Variants in ST6GALNAC3 observed in about 807,000 individuals in gnomAD.
ST6GALNAC3 encodes the protein alpha-N-acetylgalactosaminide alpha-2,6-sialyltransferase 3.
ST6GALNAC3 carries 25 observed loss-of-function variants against 32.7 expected under a neutral mutation model. That is an observed-to-expected ratio of 0.76 (90% CI 0.56 to 1.07). ST6GALNAC3 has a LOEUF of 1.07. ST6GALNAC3 is among the 50% of genes least tolerant of loss of function. ST6GALNAC3 has a pLI of 0.00. For missense variants in ST6GALNAC3, 355 were observed against 382.4 expected (o/e 0.93, Z 0.60); for synonymous variants, 129 against 133.1 (o/e 0.97, Z 0.21).
intron 3 of ST6GALNAC3, among the ~76,000 whole-genome samples, chr1:76,568,841 A>G (rs981208948): frequency 5.9e-5 from 9 of 152,196 alleles, no homozygotes; most frequent in African/African-American, 2.2e-4. Context: ...TGTCAGCACT[A>G]GACATTTCCT....
At chr1:76,084,324 C>T (rs980799591) in intron 1 of ST6GALNAC3, among the ~76,000 whole-genome samples, 2 of 152,198 alleles carry the variant, frequency 1.3e-5, no homozygotes, top group Non-Finnish European at 2.9e-5. Flanking sequence ...TCTGAAAATG[C>T]AGTCCTCAGT....
chr1:76,600,751 A>G (rs971726001), intron 3 of ST6GALNAC3, among the ~76,000 whole-genome samples: 3 of 152,248 alleles, frequency 2.0e-5, no homozygotes, highest in African/African-American at 4.8e-5. Context: ...CAACTTATGA[A>G]TATGGATTGG....
At chr1:76,096,928 T>A (rs1314810265) in intron 1 of ST6GALNAC3, among the ~76,000 whole-genome samples, 1 of 151,820 alleles carries the variant, frequency 6.6e-6, no homozygotes, top group African/African-American at 2.4e-5. Context: ...CTTTTTTTTT[T>A]TTTTTTTTGA....
chr1:76,537,639 A>T (rs1227641489), intron 3 of ST6GALNAC3, among the ~76,000 whole-genome samples: 2 of 152,166 alleles, frequency 1.3e-5, no homozygotes, highest in Non-Finnish European at 2.9e-5. Context: ...ATCATTTTAC[A>T]TTTCCATATA....
At chr1:76,178,523 T>C (rs1298077137) in intron 1 of ST6GALNAC3, among the ~76,000 whole-genome samples, 1 of 152,186 alleles carries the variant, frequency 6.6e-6, no homozygotes, top group East Asian at 1.9e-4. Context: ...CTTTCTTCCC[T>C]GTAGATTGTT....
chr1:76,280,820 A>G (rs1398799567), intron 1 of ST6GALNAC3, among the ~76,000 whole-genome samples: 1 of 152,224 alleles, frequency 6.6e-6, no homozygotes, highest in Non-Finnish European at 1.5e-5. Context: ...AGGTCAATAA[A>G]TAATATTCAT....
intron 3 of ST6GALNAC3, among the ~76,000 whole-genome samples, chr1:76,566,169 A>C (rs1169096070): frequency 6.6e-6 from 1 of 152,206 alleles, no homozygotes; most frequent in African/African-American, 2.4e-5. Context: ...TATTTCTCAG[A>C]TTCTACCCTA....
At chr1:76,637,197 A>G (rs570141161), downstream of ST6GALNAC3, 2 of 152,304 alleles carry the variant, frequency 1.3e-5, no homozygotes, top group South Asian at 2.1e-4. Context: ...AATTGCTTAA[A>G]TATCTATATA....
chr1:76,228,413 C>G (rs774487539), intron 1 of ST6GALNAC3, among the ~76,000 whole-genome samples: 4 of 152,162 alleles, frequency 2.6e-5, no homozygotes, highest in Non-Finnish European at 5.9e-5. Context: ...TAAATACTTG[C>G]ATTAGGTTAA....
chr1:76,421,590 T>C (rs371235489), intron 3 of ST6GALNAC3, among the ~76,000 whole-genome samples: 8 of 152,054 alleles, frequency 5.3e-5, no homozygotes, highest in African/African-American at 1.7e-4. Context: ...AAAGGAGAAC[T>C]GAAAACTCTC....
At chr1:76,448,328 C>A (rs1219319264) in intron 3 of ST6GALNAC3, among the ~76,000 whole-genome samples, 2 of 152,178 alleles carry the variant, frequency 1.3e-5, no homozygotes, top group East Asian at 3.9e-4. Flanking sequence ...AAGTAACTAA[C>A]TTGCTTTTGA....
chr1:76,128,873 A>T (rs1162079292), intron 1 of ST6GALNAC3, among the ~76,000 whole-genome samples: 1 of 152,224 alleles, frequency 6.6e-6, no homozygotes, highest in Non-Finnish European at 1.5e-5. Context: ...TTTACAGACA[A>T]CAGCCACCCT....
chr1:76,223,723 C>T (rs747195740), intron 1 of ST6GALNAC3, among the ~76,000 whole-genome samples: 1 of 152,070 alleles, frequency 6.6e-6, no homozygotes, highest in Admixed American at 6.6e-5. Context: ...ATTGCAAGGG[C>T]TTTCTGTCTT....
intron 2 of ST6GALNAC3, among the ~76,000 whole-genome samples, chr1:76,357,952 T>G (rs1462049165): frequency 1.3e-5 from 2 of 152,120 alleles, no homozygotes; most frequent in Non-Finnish European, 2.9e-5. Flanking sequence ...ATAGGCAAAT[T>G]TTTTCAGTAT....
At chr1:76,211,020 G>A (rs570067078) in intron 1 of ST6GALNAC3, among the ~76,000 whole-genome samples, 2 of 152,220 alleles carry the variant, frequency 1.3e-5, no homozygotes, top group African/African-American at 2.4e-5. Flanking sequence ...CATTGCACCC[G>A]GCCTCTCTTC....
intron 3 of ST6GALNAC3, among the ~76,000 whole-genome samples, chr1:76,491,709 A>G (rs544018732): frequency 1.3e-5 from 2 of 152,246 alleles, no homozygotes; most frequent in African/African-American, 2.4e-5. Flanking sequence ...ATAGATACCA[A>G]ATTTCCAAGA....
chr1:76,282,448 A>G lies in ST6GALNAC3; in HGVS notation c.19-31357A>G, dbSNP rs75813023. On this transcript the variant is annotated intron_variant, in intron 1 of 4. Coordinates refer to ENST00000328299, the MANE Select transcript of ST6GALNAC3 (RefSeq NM_152996.4). ...TCCCCATGTCAACACATTTAAAACC[A>G]CAGTATCATTATTAATATTGCCTAA... 3.8e-3 allele frequency among the ~76,000 whole-genome samples: 578 copies of G among 152,306 alleles called. 6 individuals carry two copies. The highest frequency in any genetic ancestry group is 0.013 in the African/African-American group (526 of 41,566).
intron 3 of ST6GALNAC3, among the ~76,000 whole-genome samples, chr1:76,545,811 C>CA (rs1270671205): frequency 7.2e-5 from 11 of 152,126 alleles, no homozygotes; most frequent in African/African-American, 4.8e-5. Context: ...CATGCCCCCC[C>CA]ACATCCAGCT....
chr1:76,475,522 T>C (rs894219310), intron 3 of ST6GALNAC3, among the ~76,000 whole-genome samples: 1 of 152,164 alleles, frequency 6.6e-6, no homozygotes, highest in South Asian at 2.1e-4. Context: ...GAGACTATTT[T>C]CCAGGAATGT....
Sources: allele counts gnomAD v4.1 joint callset (sites outside exome capture counted in the v4.1 genomes callset), GRCh38; gene constraint gnomAD v4.1.1; transcripts MANE v1.5; gene names NCBI Gene and HGNC (gene_info 2026-07-23, HGNC 2026-07-21).